The following EZH1 variants were observed in gnomAD, a reference collection of about 807,000 sequenced individuals.
EZH1 encodes the protein histone-lysine N-methyltransferase EZH1.
EZH1 carries 33 observed loss-of-function variants against 100.5 expected under a neutral mutation model. That is an observed-to-expected ratio of 0.33 (90% CI 0.25 to 0.44). The LOEUF (loss-of-function observed/expected upper bound fraction) is 0.44, where lower values mean the gene tolerates loss of function less well. Ranked by LOEUF, EZH1 falls within the 20% of genes least tolerant of loss-of-function variation. The pLI is 1.00. For missense variants in EZH1, 475 were observed against 928.4 expected, an observed-to-expected ratio of 0.51 and a Z score of 6.35; for synonymous variants, 272 against 313.8, an observed-to-expected ratio of 0.87 and a Z score of 1.41.
At chr17:42,743,171 C>CTTT (rs543119090) in intron 1 of EZH1, among the ~76,000 whole-genome samples, 101 of 123,896 alleles carry the variant, frequency 8.2e-4, no homozygotes, top group Non-Finnish European at 1.4e-3. Context: ...GCCAGGCCTC[C>CTTT]TTTTTTTTTT....
In EZH1 at chr17:42,742,650, AC is replaced by A. The variant is rs2054197794; in HGVS notation, c.-103+2360del. On this transcript the variant is annotated intron_variant, in intron 1 of 20. Transcript: ENST00000428826. ...TTTATTCCACAAATATATGTTGAGC[AC>A]CTACTATTATACTTAATAGTAGTAT... 2.0e-5 allele frequency among the ~76,000 whole-genome samples: 3 copies of A among 152,232 alleles called. No homozygotes were observed. The South Asian group carries it at 6.2e-4, about 32-fold the overall frequency.
Position 42,718,697 on chromosome 17 carries a change from C to T in EZH1, c.768-80G>A. 1.4e-6 allele frequency: 2 copies of T among 1,477,830 alleles called. No individual in the cohort carries two copies. The highest frequency in any genetic ancestry group is 9.3e-7 in the Non-Finnish European group (1 of 1,072,458). The allele number at this position is 1,477,830 out of a possible 1,614,324, so 91.5% of individuals were successfully genotyped here. On this transcript the variant is annotated intron_variant, in intron 8 of 20. Transcript: ENST00000428826. This position sits in a 1 kb window ranked among gnomAD's most constrained non-coding sequence, Gnocchi z 4.2. ...AATACAGATTGGGTACTGACAGTAG[C>T]TCACCTACGGTCTGCCAAGGGAGGA...
chr17:42,742,258 T>C (rs930966590), intron 1 of EZH1, among the ~76,000 whole-genome samples: 1 of 151,640 alleles, frequency 6.6e-6, no homozygotes, highest in African/African-American at 2.4e-5. Flanking sequence ...TTCTCCCACC[T>C]CTGTCTCCCA....
chr17:42,712,883 T>A lies in EZH1; in HGVS notation c.1204+326A>T, dbSNP rs572946602. Among the ~76,000 whole-genome samples the A allele has an allele frequency of 1.6e-4, 24 of 151,858 alleles. No homozygotes were observed. The East Asian group carries it at 4.7e-3, about 29-fold the overall frequency. On this transcript the variant is annotated intron_variant, in intron 11 of 20. Transcript: ENST00000428826. ...CGAAACCCCGTCTCTACTAAAAATA[T>A]AAAAATTAGCCGGGCGTGGTGGCAG...
rs765723775 is a variant in EZH1, at chr17:42,708,150, TC to T, written c.1535-68del. ...CTCCAGCTGTCTTCCCTCCCAAGTG[TC>T]CAGCTGCCCTGATTCAGAGGAGGCT... On this transcript the variant is annotated intron_variant, in intron 14 of 20. Coordinates refer to ENST00000428826, the MANE Select transcript of EZH1 (RefSeq NM_001991.5). The T allele has an allele frequency of 2.0e-6, 3 of 1,518,426 alleles. No homozygotes were observed. The East Asian group carries it at 6.9e-5, about 35-fold the overall frequency. The allele number at this position is 1,518,426 out of a possible 1,614,324, so 94.1% of individuals were successfully genotyped here.
Position 42,702,472 on chromosome 17 carries a change from G to T in EZH1, c.*60C>A. On this transcript the variant is annotated 3_prime_UTR_variant, in exon 21 of 21. Transcript: ENST00000428826. ...TGCAGGAGACTCGAGCAGCAGTGGT[G>T]TGAGCACGAAAGCCAAGACAGTGCC... The T allele has an allele frequency of 7.2e-7, 1 of 1,396,192 alleles. No homozygotes were observed. The highest frequency in any genetic ancestry group is 9.9e-7 in the Non-Finnish European group (1 of 1,011,240). 86.5% of individuals were successfully genotyped at this position (1,396,192 alleles called of 1,614,324 possible).
At chr17:42,743,776 T>C (rs1466498728) in intron 1 of EZH1, among the ~76,000 whole-genome samples, 1 of 152,012 alleles carries the variant, frequency 6.6e-6, no homozygotes, top group Non-Finnish European at 1.5e-5. Flanking sequence ...AAAGTACTTA[T>C]CTCCTAACAC....
chr17:42,700,354 G>C lies in EZH1; in HGVS notation c.*2178C>G, dbSNP rs1244762556. ...AAATTTATTGGCAATGAAGCCGCATGTATACCAGGCTCCCCTAGTCCCCAC... is the reference window on the plus strand; with the variant it reads ...AAATTTATTGGCAATGAAGCCGCATCTATACCAGGCTCCCCTAGTCCCCAC... On this transcript the variant is annotated 3_prime_UTR_variant, in exon 21 of 21. Coordinates refer to ENST00000428826, the MANE Select transcript of EZH1 (RefSeq NM_001991.5). 1 of 152,828 alleles carries C rather than the reference G, an allele frequency of 6.5e-6. No homozygotes were observed. Among genetic ancestry groups the C allele is most frequent in the Admixed American group, 6.5e-5 (1 of 15,274 alleles). 9.5% of individuals were successfully genotyped at this position (152,828 alleles called of 1,614,324 possible). A position where few individuals can be genotyped will look rare whatever the true frequency, so the allele number is the denominator to read the frequency against.
At position 42,722,913 on chromosome 17, in the gene EZH1, T is replaced by C. The variant is rs377349144; in HGVS notation, c.369A>G (p.Val123=). The stretch of plus-strand genomic sequence containing the variant: ...TATTGCACAAAACCGTCTCATCTTC[T>C]ACCTGAAACCAAACCAGATGTGATT... The part of the protein sequence containing the change: ...SWSPLQQNFM[V]EDETVLCNIP... Residue 123 remains valine, a splice_region_variant and synonymous_variant, in exon 6 of 21, where the codon GTA becomes GTG. Transcript: ENST00000428826. 1.6e-5 allele frequency: 26 copies of C among 1,613,480 alleles called. No homozygotes were observed. The highest frequency in any genetic ancestry group is 2.1e-5 in the Non-Finnish European group (25 of 1,179,776).
chr17:42,729,843 G>A (rs1327595364), intron 2 of EZH1, among the ~76,000 whole-genome samples: 3 of 151,814 alleles, frequency 2.0e-5, no homozygotes, highest in Non-Finnish European at 4.4e-5. Context: ...TTCAAGACCA[G>A]CCTGGCCAAG....
intron 16 of EZH1, chr17:42,705,798 A>G (rs2143715667): frequency 2.2e-6 from 1 of 462,742 alleles, no homozygotes; most frequent in Non-Finnish European, 3.6e-6. Context: ...GATTACAGGC[A>G]TGAGCCACCA....
intron 12 of EZH1, among the ~76,000 whole-genome samples, chr17:42,711,435 T>C (rs951723309): frequency 1.3e-5 from 2 of 152,060 alleles, no homozygotes; most frequent in Non-Finnish European, 2.9e-5. Flanking sequence ...ATCATGCCAC[T>C]GCACTCCAGC....
At chr17:42,710,601 A>G (rs370737135) in intron 12 of EZH1, among the ~76,000 whole-genome samples, 1 of 150,476 alleles carries the variant, frequency 6.6e-6, no homozygotes, top group South Asian at 2.1e-4. Context: ...AGCAAAGGGC[A>G]CTTCAGCTCA....
At chr17:42,713,615 T>C (rs989601482) in intron 10 of EZH1, among the ~76,000 whole-genome samples, 1 of 151,420 alleles carries the variant, frequency 6.6e-6, no homozygotes, top group Non-Finnish European at 1.5e-5. Flanking sequence ...GTTTGTTTGT[T>C]TTTTTGAGAC....
In EZH1 at chr17:42,713,681, G is replaced by A. The variant is rs1237057210; in HGVS notation, c.1024-292C>T. On this transcript the variant is annotated intron_variant, in intron 10 of 20. Coordinates refer to ENST00000428826, the MANE Select transcript of EZH1 (RefSeq NM_001991.5). ...GCAGAGGCCTGCTCACTGCAGCCTCGAATTCCTGGGCTCAAGTGATTCCCT... is the reference window on the plus strand; with the variant it reads ...GCAGAGGCCTGCTCACTGCAGCCTCAAATTCCTGGGCTCAAGTGATTCCCT... Among the ~76,000 whole-genome samples, 4 of 151,994 alleles carry A rather than the reference G, an allele frequency of 2.6e-5. No homozygotes were observed. In the East Asian group the frequency reaches 5.8e-4, roughly 22 times the overall value.
At chr17:42,739,066 A>G (rs1276600139) in intron 1 of EZH1, among the ~76,000 whole-genome samples, 1 of 151,992 alleles carries the variant, frequency 6.6e-6, no homozygotes, top group East Asian at 1.9e-4. Flanking sequence ...CCTGGCCTAT[A>G]TTTTTAAATA....
chr17:42,721,874 G>A (rs539499961), intron 6 of EZH1, among the ~76,000 whole-genome samples: 3 of 151,762 alleles, frequency 2.0e-5, no homozygotes, highest in Non-Finnish European at 4.4e-5. Flanking sequence ...AGCCAGGGCC[G>A]GGCACGGTGG....
intron 1 of EZH1, among the ~76,000 whole-genome samples, chr17:42,739,935 C>G (rs1478824632): frequency 1.3e-5 from 2 of 151,980 alleles, no homozygotes; most frequent in South Asian, 2.1e-4. Flanking sequence ...AGGTGCCCAC[C>G]ACCATGCCCA....
At chr17:42,740,263 C>T (rs1407250862) in intron 1 of EZH1, among the ~76,000 whole-genome samples, 5 of 143,216 alleles carry the variant, frequency 3.5e-5, no homozygotes, top group South Asian at 2.2e-4. Flanking sequence ...TTTTTTGAAA[C>T]GGAGTCTTGC....
Sources: allele counts gnomAD v4.1 joint callset (sites outside exome capture counted in the v4.1 genomes callset), GRCh38; gene constraint gnomAD v4.1.1; non-coding constraint Gnocchi (gnomAD v3.1); transcripts MANE v1.5; gene names NCBI Gene and HGNC (gene_info 2026-07-23, HGNC 2026-07-21).